The following ADAMTS12 variants were observed in gnomAD, a reference collection of about 807,000 sequenced individuals.
ADAMTS12 encodes ADAM metallopeptidase with thrombospondin type 1 motif 12, also known as A disintegrin and metalloproteinase with thrombospondin motifs 12.
ADAMTS12 carries 118 observed loss-of-function variants against 167.8 expected under a neutral mutation model. The observed-to-expected ratio is 0.70, with a 90% CI of 0.61 to 0.82. The LOEUF (loss-of-function observed/expected upper bound fraction) is 0.82, where lower values mean the gene tolerates loss of function less well. Ranked by LOEUF, ADAMTS12 falls within the 40% of genes least tolerant of loss-of-function variation. The pLI is 0.00. For synonymous variants in ADAMTS12, 704 were observed against 716.9 expected (o/e 0.98, Z 0.29); for missense variants, 1,916 against 1,998.8 (o/e 0.96, Z 0.79).
intron 7 of ADAMTS12, among the ~76,000 whole-genome samples, chr5:33,650,279 G>A (rs568598511): frequency 8.5e-5 from 13 of 152,236 alleles, no homozygotes; most frequent in African/African-American, 2.4e-4. Context: ...CCACTTAAAT[G>A]ACCTGTAAAT....
intron 2 of ADAMTS12, among the ~76,000 whole-genome samples, chr5:33,783,220 C>T (rs1195270824): frequency 1.3e-5 from 2 of 151,458 alleles, no homozygotes; most frequent in East Asian, 3.9e-4. Context: ...AAGATGGAAA[C>T]AAAACATGTG....
At chr5:33,725,342 G>A (rs1296305729) in intron 3 of ADAMTS12, among the ~76,000 whole-genome samples, 1 of 152,040 alleles carries the variant, frequency 6.6e-6, no homozygotes, top group Non-Finnish European at 1.5e-5. Flanking sequence ...ATAGTTTAAG[G>A]TCAAATATGA....
rs144459130 is a variant in ADAMTS12, at chr5:33,638,593, C to T, written c.1719-847G>A. On this transcript the variant is annotated intron_variant, in intron 11 of 23. Transcript: ENST00000504830. The stretch of plus-strand genomic sequence containing the variant: ...AATAAATGCTACCTCCTTCACGAAT[C>T]CTTCCTGGATTTCCACCAGCAGTAA... Among the ~76,000 whole-genome samples the T allele has an allele frequency of 4.9e-4, 74 of 152,268 alleles. 3 individuals carry two copies. The East Asian group carries it at 0.014, about 28-fold the overall frequency.
chr5:33,576,122 C>T lies in ADAMTS12; in HGVS notation c.3904G>A (p.Ala1302Thr). The T allele has an allele frequency of 6.2e-7, 1 of 1,614,052 alleles. No individual in the cohort carries two copies. The highest frequency in any genetic ancestry group is 8.5e-7 in the Non-Finnish European group (1 of 1,180,010). ...TTTGTGAGCTGCTTGTAATTGGAGG[C>T]ATTTAGCAAAAAGCCCTCAGTAATC... ...SLITEGFLLN[A>T]SNYKQLTNGH... is the part of the protein sequence containing the mutation. The change falls in exon 19 of 24, where the codon GCC becomes ACC. Residue 1302 changes from alanine to threonine, a missense_variant. Ala to Thr is a moderately conservative substitution (Grantham distance 58, BLOSUM62 0). Transcript: ENST00000504830.
chr5:33,740,585 TG>T (rs559083700), intron 3 of ADAMTS12, among the ~76,000 whole-genome samples: 95 of 152,112 alleles, frequency 6.2e-4, no homozygotes, highest in Non-Finnish European at 9.3e-4. Flanking sequence ...CATCTTGGGA[TG>T]GGGGGGATGA....
chr5:33,838,764 A>C (rs1748628103), intron 2 of ADAMTS12, among the ~76,000 whole-genome samples: 1 of 152,112 alleles, frequency 6.6e-6, no homozygotes, highest in Admixed American at 6.6e-5. Flanking sequence ...GGAGCAGAGA[A>C]GAGGACCTGG....
In ADAMTS12 at chr5:33,615,976, T is replaced by A. The variant is rs1561170266; in HGVS notation, c.2240A>T (p.Asp747Val). 2 of 1,614,170 alleles carry A rather than the reference T, an allele frequency of 1.2e-6. No homozygotes were observed. The highest frequency in any genetic ancestry group is 1.6e-4 in the Middle Eastern group (1 of 6,062). Residue 747 changes from aspartate to valine, a missense_variant, in exon 15 of 24, where the codon GAT becomes GTT. Transcript: ENST00000504830. Reference protein sequence around the residue: ...AGNFLAIRSEDPEKYYLNGGF... With the variant: ...AGNFLAIRSEVPEKYYLNGGF... ...TCCATTCAGGTAATATTTTTCAGGATCTTCACTCCTGATGGCCAGGAAGTT... is the reference window on the plus strand; with the variant it reads ...TCCATTCAGGTAATATTTTTCAGGAACTTCACTCCTGATGGCCAGGAAGTT...
chr5:33,634,366 G>C (rs1285929956), intron 12 of ADAMTS12, among the ~76,000 whole-genome samples: 1 of 152,040 alleles, frequency 6.6e-6, no homozygotes, highest in Non-Finnish European at 1.5e-5. Flanking sequence ...ACTTGTGTTC[G>C]GTAAGGGAAG....
Position 33,649,608 on chromosome 5 carries a change from G to A in ADAMTS12, c.1280C>T (p.Pro427Leu). 5 of 1,614,056 alleles carry A rather than the reference G, an allele frequency of 3.1e-6. No individual in the cohort carries two copies. Among genetic ancestry groups the A allele is most frequent in the Non-Finnish European group, 8.5e-7 (1 of 1,179,922 alleles). ...YIMSRQLQYD[P>L]TPLTWSKCSE... ...GCACTTGGACCATGTCAGCGGAGTG[G>A]GATCGTACTGGAGCTGGCGGGACAT... Residue 427 changes from proline (P) to leucine (L), a missense_variant, in exon 8 of 24, where the codon CCC becomes CTC. By Grantham distance (98) the Pro-to-Leu change is moderately conservative. Transcript: ENST00000504830.
At chr5:33,624,128 G>T in intron 14 of ADAMTS12, 103 bp downstream of exon 14, 1 of 1,503,220 alleles carries the variant, frequency 6.7e-7, no homozygotes, top group Non-Finnish European at 9.0e-7. Flanking sequence ...GAAAATCACA[G>T]ACTGTTTAAA....
chr5:33,617,087 T>C (rs939519271), intron 14 of ADAMTS12, among the ~76,000 whole-genome samples: 2 of 152,206 alleles, frequency 1.3e-5, no homozygotes, highest in Admixed American at 6.5e-5. Flanking sequence ...ATGAGTTTCA[T>C]TGATTCATCT....
intron 2 of ADAMTS12, among the ~76,000 whole-genome samples, chr5:33,862,765 C>T (rs1401440775): frequency 2.0e-5 from 3 of 152,150 alleles, no homozygotes; most frequent in East Asian, 1.9e-4. Flanking sequence ...GGCCAATATC[C>T]CTGATGAACA....
At chr5:33,598,536 C>T (rs1738027959) in intron 16 of ADAMTS12, among the ~76,000 whole-genome samples, 1 of 152,158 alleles carries the variant, frequency 6.6e-6, no homozygotes, top group Non-Finnish European at 1.5e-5. Context: ...GCAGGAAGCT[C>T]AGCTAGTTTA....
intron 2 of ADAMTS12, among the ~76,000 whole-genome samples, chr5:33,761,142 C>T (rs1352218345): frequency 7.1e-6 from 1 of 141,818 alleles, no homozygotes; most frequent in Non-Finnish European, 1.5e-5. Flanking sequence ...CTTGATACAG[C>T]ACTTCTTTTT....
intron 9 of ADAMTS12, among the ~76,000 whole-genome samples, chr5:33,646,921 T>G (rs540650426): frequency 1.3e-5 from 2 of 152,210 alleles, no homozygotes; most frequent in East Asian, 3.9e-4. Context: ...CCAAATAGAC[T>G]TTTATAAATA....
At chr5:33,865,846 C>A (rs1205465633) in intron 2 of ADAMTS12, among the ~76,000 whole-genome samples, 1 of 152,090 alleles carries the variant, frequency 6.6e-6, no homozygotes, top group Non-Finnish European at 1.5e-5. Flanking sequence ...AAATCAAGAA[C>A]TCAATCCCTT....
chr5:33,595,879 A>T (rs1476125309), intron 17 of ADAMTS12, 55 bp downstream of exon 17: 19 of 1,606,418 alleles, frequency 1.2e-5, no homozygotes, highest in Non-Finnish European at 1.5e-5. Context: ...GTCACTCTTG[A>T]GTCAGACATC....
chr5:33,658,111 T>G, intron 7 of ADAMTS12, 73 bp downstream of exon 7: 1 of 1,551,186 alleles, frequency 6.4e-7, no homozygotes, highest in Non-Finnish European at 8.8e-7. Context: ...TGAGGTGTGT[T>G]CACCTCAAAT....
At chr5:33,630,538 A>G (rs4296807) in intron 13 of ADAMTS12, among the ~76,000 whole-genome samples, 24,249 of 152,196 alleles carry the variant, frequency 0.16, 2,298 homozygotes, top group East Asian at 0.33. Context: ...GTCTAAAACA[A>G]TATCGTAGTG....
Sources: gnomAD v4.1 joint callset for allele counts (sites outside exome capture counted in the v4.1 genomes callset) on GRCh38, gnomAD v4.1.1 for gene constraint, MANE v1.5 for transcripts, NCBI Gene and HGNC (gene_info 2026-07-23, HGNC 2026-07-21) for gene names.